Variants in MNAT1 observed in about 807,000 individuals in gnomAD.
MNAT1 encodes MNAT1 component of CDK activating kinase.
A neutral mutation model predicts 42.0 loss-of-function variants in MNAT1; 43 were observed. That is an observed-to-expected ratio of 1.02 (90% CI 0.80 to 1.32). MNAT1 has a LOEUF of 1.32. MNAT1 is among the 40% of genes most tolerant of loss of function. The pLI, the probability that MNAT1 is intolerant of heterozygous loss-of-function variation, is 0.00. For missense variants in MNAT1, 306 were observed against 350.4 expected (o/e 0.87, Z 1.01); for synonymous variants, 118 against 120.0 (o/e 0.98, Z 0.11).
At chr14:60,958,429 T>C (rs887305178) in intron 7 of MNAT1, among the ~76,000 whole-genome samples, 5 of 152,120 alleles carry the variant, frequency 3.3e-5, no homozygotes, top group African/African-American at 1.2e-4. Flanking sequence ...GCTTCTCTCT[T>C]GCTGCTTTAA....
intron 7 of MNAT1, among the ~76,000 whole-genome samples, chr14:60,967,176 T>C (rs959558233): frequency 3.9e-5 from 6 of 152,358 alleles, no homozygotes; most frequent in Admixed American, 1.3e-4. Context: ...TTGCTCTATA[T>C]GTTTTAGCTA....
At chr14:60,795,716 T>A (rs552441548) in intron 1 of MNAT1, among the ~76,000 whole-genome samples, 1 of 152,200 alleles carries the variant, frequency 6.6e-6, no homozygotes, top group Non-Finnish European at 1.5e-5. Context: ...AGCTAGCACC[T>A]CTTTCTTGTA....
At chr14:60,957,387 G>A (rs956266735) in intron 7 of MNAT1, among the ~76,000 whole-genome samples, 8 of 152,162 alleles carry the variant, frequency 5.3e-5, no homozygotes, top group South Asian at 2.1e-4. Flanking sequence ...GGCTGAAGGC[G>A]AATGAGGAGC....
chr14:60,906,097 T>A (rs1329981331), intron 7 of MNAT1, among the ~76,000 whole-genome samples: 2 of 152,166 alleles, frequency 1.3e-5, no homozygotes. Context: ...AAATGAGTCA[T>A]TTGATATCCT....
chr14:60,783,883 G>A (rs534000375), intron 1 of MNAT1, among the ~76,000 whole-genome samples: 2 of 152,244 alleles, frequency 1.3e-5, no homozygotes, highest in East Asian at 3.9e-4. Context: ...AGGGTGTAAT[G>A]CAGTGGTGCG....
At chr14:60,957,354 G>T (rs2036504879) in intron 7 of MNAT1, among the ~76,000 whole-genome samples, 1 of 152,160 alleles carries the variant, frequency 6.6e-6, no homozygotes, top group Non-Finnish European at 1.5e-5. Context: ...AGTTCCACAT[G>T]GTTGGGGAGG....
At chr14:60,878,920 G>T (rs1337158225) in intron 6 of MNAT1, among the ~76,000 whole-genome samples, 1 of 152,146 alleles carries the variant, frequency 6.6e-6, no homozygotes, top group Non-Finnish European at 1.5e-5. Context: ...TGGAAAGTTT[G>T]CCCAACTTTA....
intron 1 of MNAT1, among the ~76,000 whole-genome samples, chr14:60,774,766 CAAGG>C (rs2031186480): frequency 6.6e-6 from 1 of 152,128 alleles, no homozygotes; most frequent in Admixed American, 6.5e-5. Context: ...GTGGAAAAAT[CAAGG>C]AAGCCTCCTA....
chr14:60,791,268 A>G (rs2031806966), intron 1 of MNAT1, among the ~76,000 whole-genome samples: 1 of 152,192 alleles, frequency 6.6e-6, no homozygotes, highest in African/African-American at 2.4e-5. Flanking sequence ...TAAGATAATG[A>G]AAAAATGGGT....
intron 6 of MNAT1, among the ~76,000 whole-genome samples, chr14:60,834,589 G>A (rs2033320993): frequency 6.6e-6 from 1 of 152,092 alleles, no homozygotes; most frequent in Admixed American, 6.6e-5. Flanking sequence ...TATGCAGTCA[G>A]TTTTAGAATA....
chr14:60,824,356 A>G (rs1028448299), intron 6 of MNAT1, among the ~76,000 whole-genome samples: 7 of 152,148 alleles, frequency 4.6e-5, no homozygotes, highest in Non-Finnish European at 8.8e-5. Context: ...CTATTAGGTT[A>G]TAAACATCTT....
chr14:60,931,768 G>GT (rs1172999932), intron 7 of MNAT1, among the ~76,000 whole-genome samples: 4 of 152,080 alleles, frequency 2.6e-5, no homozygotes, highest in Non-Finnish European at 5.9e-5. Context: ...TATATGGTGT[G>GT]TGTGTATATA....
At chr14:60,875,975 T>G (rs116741114) in intron 6 of MNAT1, among the ~76,000 whole-genome samples, 1,897 of 152,132 alleles carry the variant, frequency 0.012, 49 homozygotes, top group African/African-American at 0.043. Context: ...TGTCACAGTA[T>G]TTTTCCTTTC....
At chr14:60,815,190 T>C (rs1292424624) in intron 5 of MNAT1, among the ~76,000 whole-genome samples, 1 of 152,076 alleles carries the variant, frequency 6.6e-6, no homozygotes, top group Admixed American at 6.6e-5. Context: ...TAGCCAGCTT[T>C]GCATAACAAT....
chr14:60,814,969 A>C (rs1014877697), intron 5 of MNAT1, among the ~76,000 whole-genome samples: 3 of 152,176 alleles, frequency 2.0e-5, no homozygotes, highest in African/African-American at 7.2e-5. Flanking sequence ...GTTACTAATT[A>C]TTAGTATATA....
In MNAT1 at chr14:60,943,043, T is replaced by C. The variant is rs866765322; in HGVS notation, c.810-25186T>C. 7.7e-3 allele frequency among the ~76,000 whole-genome samples: 734 copies of C among 95,158 alleles called. 47 individuals are homozygous for C. Among genetic ancestry groups the C allele is most frequent in the African/African-American group, 0.028 (688 of 24,428 alleles). 62.4% of individuals were successfully genotyped at this position (95,158 alleles called of 152,430 possible). A position where few individuals can be genotyped will look rare whatever the true frequency, so the allele number is the denominator to read the frequency against. On this transcript the variant is annotated intron_variant, in intron 7 of 7. Transcript: ENST00000261245. ...GTGTGTGTGTGTGTGTGTGTGTGTG[T>C]GTGTGTGCGCTTTTTTTTTTTTTTT...
In MNAT1 at chr14:60,816,875, T is replaced by G. The variant is rs567239316; in HGVS notation, c.562-1847T>G. Among the ~76,000 whole-genome samples, 3 of 152,152 alleles carry G rather than the reference T, an allele frequency of 2.0e-5. No homozygotes were observed. The South Asian group carries it at 6.2e-4, about 31-fold the overall frequency. On this transcript the variant is annotated intron_variant, in intron 5 of 7. Transcript: ENST00000261245. Reference sequence around the variant, plus strand: ...GCTTCAATATCAAAAGTGTTTTAGATCCTTAGAATGTTTGTTTTTATTAGA... The same window carrying G: ...GCTTCAATATCAAAAGTGTTTTAGAGCCTTAGAATGTTTGTTTTTATTAGA...
At chr14:60,771,997 G>A (rs1440184556) in intron 1 of MNAT1, among the ~76,000 whole-genome samples, 3 of 152,152 alleles carry the variant, frequency 2.0e-5, no homozygotes, top group Non-Finnish European at 4.4e-5. Context: ...TTTTATGCTT[G>A]CTTTCAGTTG....
chr14:60,812,687 C>G (rs1245019393), intron 5 of MNAT1, among the ~76,000 whole-genome samples: 1 of 152,068 alleles, frequency 6.6e-6, no homozygotes, highest in African/African-American at 2.4e-5. Context: ...TCACTTCAAC[C>G]TTTTTTGCTT....
Sources: allele counts gnomAD v4.1 joint callset (sites outside exome capture counted in the v4.1 genomes callset), GRCh38; gene constraint gnomAD v4.1.1; transcripts MANE v1.5; gene names NCBI Gene and HGNC (gene_info 2026-07-23, HGNC 2026-07-21).